The following TOM1L2 variants were observed in gnomAD, a reference collection of about 807,000 sequenced individuals.
TOM1L2 encodes TOM1-like protein 2.
A neutral mutation model predicts 67.9 loss-of-function variants in TOM1L2; 31 were observed. The observed-to-expected ratio is 0.46, with a 90% CI of 0.34 to 0.62. The LOEUF is 0.62. TOM1L2 is among the 20% of genes least tolerant of loss of function. TOM1L2 has a pLI of 0.01. For synonymous variants in TOM1L2, 256 were observed against 254.0 expected, an observed-to-expected ratio of 1.01 and a Z score of -0.07; for missense variants, 606 against 663.5, an observed-to-expected ratio of 0.91 and a Z score of 0.95.
At position 17,948,253 on chromosome 17, in the gene TOM1L2, G is replaced by A. The variant is rs138318777; in HGVS notation, c.52+24009C>T. Among the ~76,000 whole-genome samples, 330 of 152,234 alleles carry A rather than the reference G, an allele frequency of 2.2e-3. 1 individual carries two copies. Among genetic ancestry groups the A allele is most frequent in the African/African-American group, 7.6e-3 (316 of 41,526 alleles). ...ATAATCTTGATACCAAGATAAATAC[G>A]CCCTAGTCCCTACCTTGGAGAGAGT... is the stretch of plus-strand genomic sequence containing the variant. On this transcript the variant is annotated intron_variant, in intron 1 of 14. Transcript: ENST00000379504.
At chr17:17,908,945 G>A (rs2144436215) in intron 1 of TOM1L2, among the ~76,000 whole-genome samples, 1 of 152,332 alleles carries the variant, frequency 6.6e-6, no homozygotes, top group African/African-American at 2.4e-5. Context: ...CACTTTGGGA[G>A]GCCAAGGAGG....
chr17:17,944,744 G>A (rs911520082), intron 1 of TOM1L2, among the ~76,000 whole-genome samples: 1 of 152,224 alleles, frequency 6.6e-6, no homozygotes, highest in African/African-American at 2.4e-5. Flanking sequence ...GACTAACAGG[G>A]AGCTATGGAA....
intron 2 of TOM1L2, among the ~76,000 whole-genome samples, chr17:17,906,010 C>T (rs1378826363): frequency 6.6e-6 from 1 of 152,114 alleles, no homozygotes; most frequent in Non-Finnish European, 1.5e-5. Flanking sequence ...GTTTGCTGTT[C>T]CATGAGCCTT....
At position 17,845,779 on chromosome 17, in the gene TOM1L2, G is replaced by A. The variant is rs1260701785; in HGVS notation, c.*1856C>T. 2.0e-5 allele frequency: 3 copies of A among 152,318 alleles called. No individual in the cohort carries two copies. The highest frequency in any genetic ancestry group is 6.5e-5 in the Admixed American group (1 of 15,278). 9.4% of individuals were successfully genotyped at this position (152,318 alleles called of 1,614,324 possible). A position where few individuals can be genotyped will look rare whatever the true frequency, so the allele number is the denominator to read the frequency against. Reference sequence around the variant, plus strand: ...CTTCACATTCAAGCTGGCCTCAGGGGGGTCTGTCTTTGAGAAACATTGAGG... The same window carrying A: ...CTTCACATTCAAGCTGGCCTCAGGGAGGTCTGTCTTTGAGAAACATTGAGG... On this transcript the variant is annotated 3_prime_UTR_variant, in exon 15 of 15. Transcript: ENST00000379504.
intron 1 of TOM1L2, among the ~76,000 whole-genome samples, chr17:17,968,370 A>G (rs1282784305): frequency 6.6e-6 from 1 of 152,210 alleles, no homozygotes; most frequent in Non-Finnish European, 1.5e-5. Flanking sequence ...AGTCAGTTAA[A>G]GAACGTAGTC....
chr17:17,963,551 A>G (rs2041773015), intron 1 of TOM1L2, among the ~76,000 whole-genome samples: 1 of 152,218 alleles, frequency 6.6e-6, no homozygotes, highest in Non-Finnish European at 1.5e-5. Flanking sequence ...TGAAGATAAC[A>G]GTGCTTCCAG....
intron 2 of TOM1L2, among the ~76,000 whole-genome samples, chr17:17,905,928 T>C (rs2039075267): frequency 6.6e-6 from 1 of 152,050 alleles, no homozygotes; most frequent in Non-Finnish European, 1.5e-5. Context: ...CTTTGACCAC[T>C]CTGCTCCGGG....
In TOM1L2 at chr17:17,866,327, T is replaced by C; in HGVS notation, c.1053A>G (p.Pro351=). 6.2e-7 allele frequency: 1 copy of C among 1,612,788 alleles called. No individual in the cohort carries two copies. Among genetic ancestry groups the C allele is most frequent in the Non-Finnish European group, 8.5e-7 (1 of 1,179,508 alleles). Residue 351 remains proline, a synonymous_variant, in exon 10 of 15, where the codon CCA becomes CCG. Transcript: ENST00000379504. ...VSPMVGNTAP[P]SSLSSQLAGL... is the part of the protein sequence containing the mutation. ...CTGCAAGCTGGGAGGAGAGGGAAGA[T>C]GGGGGCGCTGTGTTCCCCACCATTG...
At chr17:17,934,564 G>GTGTTTTGTTT (rs372509876) in intron 1 of TOM1L2, among the ~76,000 whole-genome samples, 2 of 152,308 alleles carry the variant, frequency 1.3e-5, no homozygotes, top group African/African-American at 4.8e-5. Context: ...ATGTCTTACT[G>GTGTTTTGTTT]TGTTTTGTTT....
At chr17:17,883,442 G>A (rs186574515) in intron 5 of TOM1L2, among the ~76,000 whole-genome samples, 2 of 152,276 alleles carry the variant, frequency 1.3e-5, no homozygotes, top group African/African-American at 4.8e-5. Context: ...TCCAGAAAGG[G>A]CAATCCCCTG....
chr17:17,866,324 A>T lies in TOM1L2; in HGVS notation c.1056T>A (p.Ser352=). 6.2e-7 allele frequency: 1 copy of T among 1,612,902 alleles called. No homozygotes were observed. The highest frequency in any genetic ancestry group is 8.5e-7 in the Non-Finnish European group (1 of 1,179,550). The part of the protein sequence containing the change: ...SPMVGNTAPP[S]SLSSQLAGLD... The stretch of plus-strand genomic sequence containing the variant: ...AGCCTGCAAGCTGGGAGGAGAGGGA[A>T]GATGGGGGCGCTGTGTTCCCCACCA... The change falls in exon 10 of 15, where the codon TCT becomes TCA. Residue 352 remains serine, a synonymous_variant. Transcript: ENST00000379504.
At chr17:17,919,913 G>A (rs1239833695) in intron 1 of TOM1L2, among the ~76,000 whole-genome samples, 1 of 152,154 alleles carries the variant, frequency 6.6e-6, no homozygotes, top group Non-Finnish European at 1.5e-5. Flanking sequence ...AATGAAGCCT[G>A]GTGGGGTGAC....
chr17:17,916,970 A>G (rs2039651944), intron 1 of TOM1L2, among the ~76,000 whole-genome samples: 1 of 152,162 alleles, frequency 6.6e-6, no homozygotes, highest in African/African-American at 2.4e-5. Context: ...ATCCTGGCCA[A>G]CCAACATGGT....
intron 1 of TOM1L2, among the ~76,000 whole-genome samples, chr17:17,912,430 G>A (rs2039419123): frequency 6.6e-6 from 1 of 151,068 alleles, no homozygotes; most frequent in African/African-American, 2.4e-5. Flanking sequence ...CTTCTCAGAC[G>A]GGGCGGTTGC....
chr17:17,866,276 T>C lies in TOM1L2; in HGVS notation c.1084+20A>G. On this transcript the variant is annotated intron_variant, in intron 10 of 14. Transcript: ENST00000379504. ...GTGGTAGGAAGTAGGTAGGCCCTTTTGTCCCTGTGAGACACTCACCTAAGC... is the reference window on the plus strand; with the variant it reads ...GTGGTAGGAAGTAGGTAGGCCCTTTCGTCCCTGTGAGACACTCACCTAAGC... The C allele has an allele frequency of 6.2e-7, 1 of 1,605,864 alleles. No individual in the cohort carries two copies. The highest frequency in any genetic ancestry group is 2.2e-5 in the East Asian group (1 of 44,724).
rs750125189 is a variant in TOM1L2, at chr17:17,972,370, T to C, written c.-57A>G. 2.3e-4 allele frequency: 356 copies of C among 1,547,084 alleles called. No individual in the cohort carries two copies. In the Middle Eastern group the frequency reaches 2.8e-3, roughly 12 times the overall value. ...CCCTGTCTGCCACCTAGGCCTCCGC[T>C]GTAACCCGCCGGACTCCCGTCCTGA... On this transcript the variant is annotated 5_prime_UTR_variant, in exon 1 of 15. Transcript: ENST00000379504.
intron 1 of TOM1L2, among the ~76,000 whole-genome samples, chr17:17,955,054 T>C (rs1222963550): frequency 6.6e-6 from 1 of 152,222 alleles, no homozygotes; most frequent in Non-Finnish European, 1.5e-5. Context: ...CATGGGCACC[T>C]TGTCAGAAAT....
At chr17:17,946,051 T>A (rs2040936968) in intron 1 of TOM1L2, among the ~76,000 whole-genome samples, 1 of 151,982 alleles carries the variant, frequency 6.6e-6, no homozygotes, top group African/African-American at 2.4e-5. Context: ...TTTTTCATAT[T>A]TTTTGGTAAG....
At chr17:17,858,809 C>T (rs2036395095) in intron 12 of TOM1L2, 1 of 152,230 alleles carries the variant, frequency 6.6e-6, no homozygotes, top group African/African-American at 2.4e-5. Flanking sequence ...TCTCAATCTC[C>T]TGACCTCGTG....
Sources: allele counts gnomAD v4.1 joint callset (sites outside exome capture counted in the v4.1 genomes callset), GRCh38; gene constraint gnomAD v4.1.1; transcripts MANE v1.5; gene names NCBI Gene and HGNC (gene_info 2026-07-23, HGNC 2026-07-21).